Variants in B4GALT1 observed in about 807,000 individuals in gnomAD.
The protein encoded by B4GALT1 is beta-1,4-galactosyltransferase 1, also known as N-acetyllactosamine synthase.
A neutral mutation model predicts 34.9 loss-of-function variants in B4GALT1; 16 were observed. That is an observed-to-expected ratio of 0.46 (90% CI 0.31 to 0.70). The LOEUF (loss-of-function observed/expected upper bound fraction) is 0.70. Among genes scored for constraint, B4GALT1 ranks in the 30% least tolerant of loss-of-function variants. The pLI is 0.05. For missense variants in B4GALT1, 445 were observed against 530.5 expected (o/e 0.84, Z 1.58); for synonymous variants, 221 against 218.1 (o/e 1.01, Z -0.12).
chr9:33,130,113 G>T (rs981802466), intron 2 of B4GALT1, among the ~76,000 whole-genome samples: 1 of 152,194 alleles, frequency 6.6e-6, no homozygotes, highest in Non-Finnish European at 1.5e-5. Context: ...CTGTGTACTG[G>T]CTGTGGGGCA....
chr9:33,154,033 G>T (rs1840561911), intron 1 of B4GALT1, among the ~76,000 whole-genome samples: 1 of 54,566 alleles, frequency 1.8e-5, no homozygotes, highest in African/African-American at 7.1e-5. Context: ...AAGGAAGGAA[G>T]GGAGGGAGGG....
intron 1 of B4GALT1, among the ~76,000 whole-genome samples, chr9:33,144,708 G>T (rs1331517985): frequency 3.3e-5 from 5 of 152,156 alleles, no homozygotes; most frequent in African/African-American, 1.2e-4. Flanking sequence ...GGATCAATCA[G>T]TCCCCACTCC....
At chr9:33,120,701 C>T in intron 2 of B4GALT1, 95 bp from the exon 3 acceptor site, 1 of 1,301,050 alleles carries the variant, frequency 7.7e-7, no homozygotes, top group African/African-American at 1.5e-5. Context: ...CACATGGTCA[C>T]TAGGAAACTC....
chr9:33,151,335 C>A (rs1365059666), intron 1 of B4GALT1, among the ~76,000 whole-genome samples: 1 of 152,208 alleles, frequency 6.6e-6, no homozygotes, highest in Non-Finnish European at 1.5e-5. Flanking sequence ...ATTACTGAGT[C>A]AGCTGCCCCT....
At chr9:33,128,551 CAG>C (rs1195318376) in intron 2 of B4GALT1, among the ~76,000 whole-genome samples, 6 of 152,118 alleles carry the variant, frequency 3.9e-5, no homozygotes, top group African/African-American at 1.4e-4. Context: ...AGTGATGGTG[CAG>C]AGACACTCCC....
chr9:33,129,574 C>T (rs888601418), intron 2 of B4GALT1, among the ~76,000 whole-genome samples: 6 of 152,172 alleles, frequency 3.9e-5, no homozygotes, highest in African/African-American at 1.2e-4. Flanking sequence ...TCACTGACTG[C>T]GTCTGTACTG....
chr9:33,152,492 T>A (rs2118254271), intron 1 of B4GALT1, among the ~76,000 whole-genome samples: 1 of 150,784 alleles, frequency 6.6e-6, no homozygotes, highest in East Asian at 1.9e-4. Flanking sequence ...CAAACATATT[T>A]TTAAAACTAA....
At chr9:33,114,875 G>A (rs1014301588) in intron 4 of B4GALT1, among the ~76,000 whole-genome samples, 4 of 152,342 alleles carry the variant, frequency 2.6e-5, no homozygotes, top group East Asian at 1.9e-4. Context: ...GTGCCACTGC[G>A]TTAGCATGGG....
At chr9:33,156,746 T>C (rs1183155886) in intron 1 of B4GALT1, among the ~76,000 whole-genome samples, 1 of 152,170 alleles carries the variant, frequency 6.6e-6, no homozygotes, top group East Asian at 1.9e-4. Flanking sequence ...CAACAGAATA[T>C]AAGTTTCTAT....
chr9:33,180,622 A>ATGC, the B4GALT1 span, among the ~76,000 whole-genome samples: 2 of 152,180 alleles, frequency 1.3e-5, no homozygotes, highest in Non-Finnish European at 2.9e-5. Context: ...AGGACCGTTC[A>ATGC]TGCTGCTGCT....
chr9:33,156,429 C>CG (rs974139462), intron 1 of B4GALT1, among the ~76,000 whole-genome samples: 25 of 152,272 alleles, frequency 1.6e-4, no homozygotes, highest in African/African-American at 5.8e-4. Context: ...CCACTGTGCC[C>CG]GGCCAGGATC....
At chr9:33,125,806 T>C (rs10758189) in intron 2 of B4GALT1, among the ~76,000 whole-genome samples, 56,484 of 151,962 alleles carry the variant, frequency 0.37, 11,216 homozygotes, top group East Asian at 0.59. Context: ...TTGTCCAAGT[T>C]CCAACAGCTT....
At chr9:33,155,651 G>C (rs1175376233) in intron 1 of B4GALT1, among the ~76,000 whole-genome samples, 3 of 152,104 alleles carry the variant, frequency 2.0e-5, no homozygotes, top group Non-Finnish European at 4.4e-5. Context: ...ACTCGCTTTG[G>C]GCTATATTCT....
In B4GALT1 at chr9:33,112,736, C is replaced by CA. The variant is rs1200521204; in HGVS notation, c.*717dup. On this transcript the variant is annotated 3_prime_UTR_variant, in exon 6 of 6. Coordinates refer to ENST00000379731, the MANE Select transcript of B4GALT1 (RefSeq NM_001497.4). ...GATCTGTTCTTTCTTTAAAATACTA[C>CA]AAACTACTATTTAAAAAAAAACACA... 2.0e-5 allele frequency: 3 copies of CA among 152,848 alleles called. No homozygotes were observed. The highest frequency in any genetic ancestry group is 6.5e-5 in the Admixed American group (1 of 15,300). 9.5% of individuals were successfully genotyped at this position (152,848 alleles called of 1,614,324 possible).
chr9:33,110,558 TC>T (rs1395205841), downstream of B4GALT1: 3 of 152,130 alleles, frequency 2.0e-5, no homozygotes, highest in African/African-American at 7.2e-5. Flanking sequence ...TTTGTATGGG[TC>T]ACAGACCAGG....
At chr9:33,160,841 C>G (rs1424121627) in intron 1 of B4GALT1, among the ~76,000 whole-genome samples, 1 of 152,114 alleles carries the variant, frequency 6.6e-6, no homozygotes, top group African/African-American at 2.4e-5. Flanking sequence ...CGGTATGTTT[C>G]TTTTGGGTGA....
chr9:33,137,401 C>T (rs1410466842), intron 1 of B4GALT1, among the ~76,000 whole-genome samples: 1 of 152,224 alleles, frequency 6.6e-6, no homozygotes, highest in African/African-American at 2.4e-5. Context: ...GGAAGAAGAT[C>T]CTCAGGCCTC....
chr9:33,120,466 A>G lies in B4GALT1; in HGVS notation c.789T>C (p.Phe263=), dbSNP rs1840005126. The G allele has an allele frequency of 6.2e-7, 1 of 1,614,058 alleles. No individual in the cohort carries two copies. ...PMNDHNAYRC[F]SQPRHISVAM... ...CAACGGAAATGTGCCGTGGCTGTGA[A>G]AAACACCTGTACGCATTATGGTCAT... The change falls in exon 3 of 6, where the codon TTT becomes TTC. Residue 263 remains phenylalanine (F), a synonymous_variant. Coordinates refer to ENST00000379731, the MANE Select transcript of B4GALT1 (RefSeq NM_001497.4).
chr9:33,160,114 A>G (rs1201478674), intron 1 of B4GALT1, among the ~76,000 whole-genome samples: 2 of 152,268 alleles, frequency 1.3e-5, no homozygotes, highest in Non-Finnish European at 2.9e-5. Context: ...ATTTCCAATG[A>G]GTCTATCCTT....
Sources: allele counts gnomAD v4.1 joint callset (sites outside exome capture counted in the v4.1 genomes callset), GRCh38; gene constraint gnomAD v4.1.1; transcripts MANE v1.5; gene names NCBI Gene and HGNC (gene_info 2026-07-23, HGNC 2026-07-21).